RIT2: variants seen among roughly 807,000 people sequenced by gnomAD.
RIT2 encodes the protein Ras like without CAAX 2, also known as GTP-binding protein Rit2.
RIT2 carries 24 observed loss-of-function variants against 23.7 expected under a neutral mutation model. The ratio of observed to expected loss-of-function variants is 1.01; its 90% confidence interval spans 0.73 to 1.43. The LOEUF is 1.43. Ranked by LOEUF, RIT2 falls within the 40% of genes most tolerant of loss-of-function variation. RIT2 has a pLI of 0.00. For synonymous variants in RIT2, 107 were observed against 91.1 expected (o/e 1.17, Z -0.99); for missense variants, 236 against 266.9 (o/e 0.88, Z 0.81).
intron 1 of RIT2, among the ~76,000 whole-genome samples, chr18:43,073,197 A>G (rs998908105): frequency 6.6e-6 from 1 of 152,168 alleles, no homozygotes; most frequent in African/African-American, 2.4e-5. Flanking sequence ...TAGTCAAATG[A>G]CAGCTCATCA....
intron 1 of RIT2, among the ~76,000 whole-genome samples, chr18:43,034,392 A>T (rs968140631): frequency 5.3e-5 from 8 of 152,112 alleles, no homozygotes; most frequent in African/African-American, 1.9e-4. Flanking sequence ...TGCCTAATTT[A>T]TGTTATCGAC....
At position 43,115,448 on chromosome 18, in the gene RIT2, TACC is replaced by T; in HGVS notation, c.69_71del (p.Val24del). ...TACCAACTCCCCCTGCTCCCAGCATTACCACCTTGTACTCTCTGGACCCGCCTG... is the reference window on the plus strand; with the variant it reads ...TACCAACTCCCCCTGCTCCCAGCATTACCTTGTACTCTCTGGACCCGCCTG... On this transcript the variant is annotated inframe_deletion, in exon 1 of 5. Coordinates refer to ENST00000326695, the MANE Select transcript of RIT2 (RefSeq NM_002930.4). The T allele has an allele frequency of 6.2e-7, 1 of 1,613,542 alleles. No homozygotes were observed. The highest frequency in any genetic ancestry group is 8.5e-7 in the Non-Finnish European group (1 of 1,179,742).
chr18:43,095,645 A>G (rs1913534651), intron 1 of RIT2, among the ~76,000 whole-genome samples: 1 of 152,016 alleles, frequency 6.6e-6, no homozygotes, highest in Non-Finnish European at 1.5e-5. Flanking sequence ...TAATCATTGT[A>G]TCTAAAGACA....
chr18:43,027,341 A>C (rs954974772), intron 2 of RIT2, among the ~76,000 whole-genome samples: 1 of 152,220 alleles, frequency 6.6e-6, no homozygotes, highest in Non-Finnish European at 1.5e-5. Flanking sequence ...GTTTCTTAAT[A>C]TTTAGAGTGC....
intron 1 of RIT2, among the ~76,000 whole-genome samples, chr18:43,104,590 T>C (rs183791880): frequency 1.3e-5 from 2 of 152,250 alleles, no homozygotes; most frequent in South Asian, 4.1e-4. Context: ...GATGCTGAGG[T>C]ATTCCAGACT....
At chr18:43,002,188 A>T (rs888277873) in intron 2 of RIT2, among the ~76,000 whole-genome samples, 28 of 151,980 alleles carry the variant, frequency 1.8e-4, no homozygotes, top group Admixed American at 1.8e-3. Flanking sequence ...TAAAAGTTGA[A>T]GAAGTTGGAG....
At chr18:42,906,604 T>C (rs1908628446) in intron 4 of RIT2, among the ~76,000 whole-genome samples, 1 of 152,170 alleles carries the variant, frequency 6.6e-6, no homozygotes, top group Admixed American at 6.5e-5. Flanking sequence ...AAAAGCCACC[T>C]TCTATCCAGC....
chr18:42,951,080 G>A (rs948561345), intron 3 of RIT2, among the ~76,000 whole-genome samples: 7 of 151,928 alleles, frequency 4.6e-5, no homozygotes, highest in African/African-American at 1.7e-4. Flanking sequence ...TATATCAAAA[G>A]GAAACAAATC....
chr18:43,101,059 A>C (rs2144237902), intron 1 of RIT2, among the ~76,000 whole-genome samples: 1 of 152,106 alleles, frequency 6.6e-6, no homozygotes, highest in Admixed American at 6.6e-5. Flanking sequence ...GTGTGTGTAT[A>C]TATATATATC....
intron 2 of RIT2, among the ~76,000 whole-genome samples, chr18:42,991,227 G>A (rs568364039): frequency 2.2e-4 from 34 of 152,176 alleles, no homozygotes; most frequent in Non-Finnish European, 3.2e-4. Context: ...TTACAGGCTC[G>A]TGTATCCAAT....
At chr18:43,014,043 A>T (rs913580680) in intron 2 of RIT2, among the ~76,000 whole-genome samples, 1 of 151,786 alleles carries the variant, frequency 6.6e-6, no homozygotes, top group Non-Finnish European at 1.5e-5. Flanking sequence ...AAAATAAAAG[A>T]TAATTATGAA....
chr18:43,019,370 G>C (rs1202542965), intron 2 of RIT2, among the ~76,000 whole-genome samples: 2 of 151,846 alleles, frequency 1.3e-5, no homozygotes, highest in Non-Finnish European at 2.9e-5. Flanking sequence ...AGAGATTCAA[G>C]GATGATTCAA....
rs553274688 is a variant in RIT2, at chr18:43,105,069, T to C, written c.103+10348A>G. Reference sequence around the variant, plus strand: ...TGTGGGCTATTGTAGCAGGCAATTGTCCTCCAGTCCTTTCTCTAACAGGCA... The same window carrying C: ...TGTGGGCTATTGTAGCAGGCAATTGCCCTCCAGTCCTTTCTCTAACAGGCA... On this transcript the variant is annotated intron_variant, in intron 1 of 4. Coordinates refer to ENST00000326695, the MANE Select transcript of RIT2 (RefSeq NM_002930.4). Among the ~76,000 whole-genome samples the C allele has an allele frequency of 2.0e-5, 3 of 151,868 alleles. No individual in the cohort carries two copies. The South Asian group carries it at 6.3e-4, about 32-fold the overall frequency.
chr18:42,928,066 C>A (rs1420375084), intron 3 of RIT2, among the ~76,000 whole-genome samples: 1 of 151,964 alleles, frequency 6.6e-6, no homozygotes, highest in Non-Finnish European at 1.5e-5. Flanking sequence ...AGTAAGGGCA[C>A]ACAGATAGCA....
intron 1 of RIT2, among the ~76,000 whole-genome samples, chr18:43,111,409 A>G (rs1289580947): frequency 2.0e-5 from 3 of 151,242 alleles, no homozygotes; most frequent in Non-Finnish European, 4.4e-5. Context: ...ATCATCACAA[A>G]TAAGTTATTG....
chr18:42,821,843 C>T (rs560602133), intron 4 of RIT2, among the ~76,000 whole-genome samples: 32 of 152,240 alleles, frequency 2.1e-4, no homozygotes, highest in Non-Finnish European at 4.3e-4. Flanking sequence ...AGTTCCTAAC[C>T]TCACAGAGCC....
chr18:42,917,754 A>G (rs1391111524), intron 4 of RIT2, among the ~76,000 whole-genome samples: 2 of 152,146 alleles, frequency 1.3e-5, no homozygotes, highest in African/African-American at 2.4e-5. Flanking sequence ...ATGGCTCTCA[A>G]ACATGCTAAG....
chr18:43,059,874 C>A (rs960255992), intron 1 of RIT2, among the ~76,000 whole-genome samples: 1 of 151,944 alleles, frequency 6.6e-6, no homozygotes, highest in Non-Finnish European at 1.5e-5. Context: ...AGGTTCTGGA[C>A]AACTCTTGAT....
intron 4 of RIT2, among the ~76,000 whole-genome samples, chr18:42,766,483 A>G (rs1281666608): frequency 6.6e-6 from 1 of 152,238 alleles, no homozygotes; most frequent in East Asian, 1.9e-4. Flanking sequence ...TAAGCAGCAA[A>G]GCATTCAAAA....
Sources: allele counts gnomAD v4.1 joint callset (sites outside exome capture counted in the v4.1 genomes callset), GRCh38; gene constraint gnomAD v4.1.1; transcripts MANE v1.5; gene names NCBI Gene and HGNC (gene_info 2026-07-23, HGNC 2026-07-21).